RBFOX1: variants seen among roughly 807,000 people sequenced by gnomAD.
The protein encoded by RBFOX1 is RNA binding protein fox-1 homolog 1.
RBFOX1 carries 8 observed loss-of-function variants against 57.7 expected under a neutral mutation model. The observed-to-expected ratio is 0.14, with a 90% CI of 0.08 to 0.25. RBFOX1 has a LOEUF of 0.25. RBFOX1 is among the 10% of genes least tolerant of loss of function. The pLI is 1.00. For synonymous variants in RBFOX1, 326 were observed against 222.4 expected (o/e 1.47, Z -4.15); for missense variants, 611 against 548.5 (o/e 1.11, Z -1.14).
chr16:6,220,633 T>C (rs944776787), intron 1 of RBFOX1, among the ~76,000 whole-genome samples: 4 of 152,218 alleles, frequency 2.6e-5, no homozygotes, highest in Non-Finnish European at 5.9e-5. Context: ...TACAGAGCTG[T>C]TTCTTCTAAG....
At chr16:6,643,089 C>T (rs2098505684) in intron 2 of RBFOX1, among the ~76,000 whole-genome samples, 1 of 151,972 alleles carries the variant, frequency 6.6e-6, no homozygotes. Flanking sequence ...TGAAATGTCT[C>T]CTCAAATGAT....
At chr16:7,350,761 T>C (rs1185693554) in intron 4 of RBFOX1, among the ~76,000 whole-genome samples, 1 of 152,026 alleles carries the variant, frequency 6.6e-6, no homozygotes, top group Admixed American at 6.5e-5. Context: ...TTCAGGGATG[T>C]GGGGTAACAG....
intron 1 of RBFOX1, among the ~76,000 whole-genome samples, chr16:6,064,808 G>T: frequency 6.6e-6 from 1 of 151,978 alleles, no homozygotes; most frequent in East Asian, 1.9e-4. Context: ...TGAATAATAT[G>T]CCCCTGGATC....
intron 4 of RBFOX1, among the ~76,000 whole-genome samples, chr16:7,385,772 G>A (rs1433269946): frequency 1.3e-5 from 2 of 151,648 alleles, no homozygotes; most frequent in African/African-American, 2.4e-5. Context: ...GGTTTTTTTC[G>A]AGATAGAGTC....
In RBFOX1 at chr16:5,922,469, A is replaced by G. The variant is rs1163009485; in HGVS notation, c.351+55134A>G. On this transcript the variant is annotated intron_variant, in intron 4 of 19. Coordinates refer to the RBFOX1 transcript ENST00000641259. Reference sequence around the variant, plus strand: ...CCCCTTGTCTTGCTGGAGCAAGGCTAACACACTGGAAGTTCCTGCCCAGCT... The same window carrying G: ...CCCCTTGTCTTGCTGGAGCAAGGCTGACACACTGGAAGTTCCTGCCCAGCT... Among the ~76,000 whole-genome samples, 7 of 152,148 alleles carry G rather than the reference A, an allele frequency of 4.6e-5. No individual in the cohort carries two copies. The South Asian group carries it at 1.2e-3, about 27-fold the overall frequency.
intron 2 of RBFOX1, among the ~76,000 whole-genome samples, chr16:6,342,040 C>T (rs1291751691): frequency 6.6e-6 from 1 of 152,182 alleles, no homozygotes; most frequent in Non-Finnish European, 1.5e-5. Flanking sequence ...CATGTGGACA[C>T]TGTTGGGGGG....
intron 3 of RBFOX1, among the ~76,000 whole-genome samples, chr16:6,829,359 A>T (rs191152953): frequency 5.9e-5 from 9 of 152,054 alleles, no homozygotes; most frequent in Non-Finnish European, 1.0e-4. Context: ...AGTAAATTCA[A>T]TGTGTACACA....
chr16:6,459,783 C>T (rs1286035818), intron 2 of RBFOX1, among the ~76,000 whole-genome samples: 1 of 151,552 alleles, frequency 6.6e-6, no homozygotes, highest in African/African-American at 2.4e-5. Context: ...TTGAGACCAG[C>T]CTGGCCAACA....
At chr16:6,043,269 G>C (rs1331330121) in intron 1 of RBFOX1, among the ~76,000 whole-genome samples, 1 of 151,664 alleles carries the variant, frequency 6.6e-6, no homozygotes, top group African/African-American at 2.4e-5. Context: ...GATCTTAAAA[G>C]GTGTCCGTCT....
chr16:5,590,036 G>A (rs1442554399), intron 2 of RBFOX1, among the ~76,000 whole-genome samples: 3 of 126,172 alleles, frequency 2.4e-5, no homozygotes. Flanking sequence ...TTTCAGAGGA[G>A]TCTGCGTGTT....
chr16:7,486,473 GTTAA>G (rs1292273694), intron 4 of RBFOX1, among the ~76,000 whole-genome samples: 2 of 151,956 alleles, frequency 1.3e-5, no homozygotes, highest in African/African-American at 2.4e-5. Flanking sequence ...GATTTGTCCA[GTTAA>G]TCTTACCTTG....
rs76366546 is a variant in RBFOX1, at chr16:7,278,131, C to CA, written c.27+226037dup. ...GTGGTATTTGGCTCCGCTTGGTTTC[C>CA]AAAATTGTAAGGTAAATTCTGTGCA... On this transcript the variant is annotated intron_variant, in intron 4 of 15. Coordinates refer to ENST00000550418, the MANE Select transcript of RBFOX1 (RefSeq NM_018723.4). Among the ~76,000 whole-genome samples, 1,414 of 152,132 alleles carry CA rather than the reference C, an allele frequency of 9.3e-3. 116 individuals are homozygous for CA. In the East Asian group the frequency reaches 0.2, roughly 21 times the overall value.
chr16:5,634,217 C>G (rs1209720085), intron 3 of RBFOX1, among the ~76,000 whole-genome samples: 1 of 152,216 alleles, frequency 6.6e-6, no homozygotes, highest in African/African-American at 2.4e-5. Context: ...ATATACCTGA[C>G]AGCTACTGGT....
rs1247151998 is a variant in RBFOX1, at chr16:5,443,818, C to G, written c.220-23398C>G. On this transcript the variant is annotated intron_variant, in intron 1 of 2. Coordinates refer to the RBFOX1 transcript ENST00000585867. ...GAAAATATGAACAGGACTATCGCTA[C>G]TTAGAAGAATGGTCACCTATTTTTT... Among the ~76,000 whole-genome samples the G allele has an allele frequency of 2.6e-5, 4 of 152,300 alleles. No homozygotes were observed. The East Asian group carries it at 5.8e-4, about 22-fold the overall frequency.
intron 3 of RBFOX1, among the ~76,000 whole-genome samples, chr16:6,701,047 G>T (rs533529387): frequency 6.6e-6 from 1 of 152,052 alleles, no homozygotes; most frequent in Non-Finnish European, 1.5e-5. Context: ...GGGGGGGTGA[G>T]TCAGACTATG....
chr16:6,746,576 G>T (rs1432715876), intron 3 of RBFOX1, among the ~76,000 whole-genome samples: 1 of 151,978 alleles, frequency 6.6e-6, no homozygotes, highest in Non-Finnish European at 1.5e-5. Flanking sequence ...TACCTGGGAG[G>T]CTGAACTGGG....
At chr16:7,219,106 C>G (rs1162252387) in intron 4 of RBFOX1, among the ~76,000 whole-genome samples, 2 of 152,166 alleles carry the variant, frequency 1.3e-5, no homozygotes, top group Non-Finnish European at 2.9e-5. Context: ...CCCGTCATTG[C>G]AGGCAGCTGA....
At chr16:6,613,366 G>C (rs1415831513) in intron 2 of RBFOX1, among the ~76,000 whole-genome samples, 1 of 152,090 alleles carries the variant, frequency 6.6e-6, no homozygotes, top group Non-Finnish European at 1.5e-5. Flanking sequence ...TTAGCACACA[G>C]AAAATCCATA....
At chr16:6,839,895 A>G (rs1485207287) in intron 3 of RBFOX1, among the ~76,000 whole-genome samples, 1 of 152,046 alleles carries the variant, frequency 6.6e-6, no homozygotes, top group Non-Finnish European at 1.5e-5. Context: ...CATTCTCTCG[A>G]TTTCTTAACT....
Sources: gnomAD v4.1 joint callset for allele counts (sites outside exome capture counted in the v4.1 genomes callset) on GRCh38, gnomAD v4.1.1 for gene constraint, MANE v1.5 for transcripts, NCBI Gene and HGNC (gene_info 2026-07-23, HGNC 2026-07-21) for gene names.